Variants in PIGQ observed in about 807,000 individuals in gnomAD.
PIGQ encodes phosphatidylinositol N-acetylglucosaminyltransferase subunit Q.
A neutral mutation model predicts 60.3 loss-of-function variants in PIGQ; 54 were observed. That is an observed-to-expected ratio of 0.90 (90% CI 0.72 to 1.12). The LOEUF (loss-of-function observed/expected upper bound fraction) is 1.12, where lower values mean the gene tolerates loss of function less well. PIGQ is among the 50% of genes most tolerant of loss of function. PIGQ has a pLI of 0.00. For synonymous variants in PIGQ, 416 were observed against 363.7 expected, an observed-to-expected ratio of 1.14 and a Z score of -1.64; for missense variants, 799 against 793.5, an observed-to-expected ratio of 1.01 and a Z score of -0.08.
chr16:579,488 C>T (rs1405579564), intron 7 of PIGQ: 3 of 114,538 alleles, frequency 2.6e-5, no homozygotes, highest in South Asian at 1.7e-4. Flanking sequence ...AGAGGTGCCC[C>T]GGGCCCGGAG....
intron 4 of PIGQ, chr16:576,828 C>T (rs1376393627): frequency 1.4e-5 from 4 of 289,982 alleles, no homozygotes; most frequent in Non-Finnish European, 2.5e-5. Context: ...TGCCTCTGGG[C>T]CTTCAGCTTC....
intron 7 of PIGQ, chr16:579,437 CCCCGGG>C (rs2035777324): frequency 8.0e-6 from 3 of 375,160 alleles, no homozygotes; most frequent in East Asian, 1.5e-4. Flanking sequence ...CCTAGAGGTG[CCCCGGG>C]CCCAGAGACT....
intron 4 of PIGQ, chr16:577,335 T>C (rs1346964957): frequency 1.3e-5 from 2 of 152,316 alleles, no homozygotes; most frequent in Admixed American, 6.5e-5. Context: ...CCCAGCACTT[T>C]GGGAGGCCAA....
At chr16:573,518 C>T (rs1044491303) in intron 1 of PIGQ, among the ~76,000 whole-genome samples, 7 of 152,146 alleles carry the variant, frequency 4.6e-5, no homozygotes, top group East Asian at 1.9e-4. Context: ...GCCCGCCGTG[C>T]GCACGAGGTA....
intron 10 of PIGQ, 117 bp from the exon 11 acceptor site, chr16:582,766 C>T (rs563344908): frequency 1.9e-4 from 222 of 1,138,692 alleles, no homozygotes; most frequent in South Asian, 1.3e-3. Flanking sequence ...CTCCCACAGG[C>T]AAGGGAATGT....
chr16:580,396 T>C lies in PIGQ; in HGVS notation c.1416+133T>C. The C allele has an allele frequency of 8.9e-6, 6 of 675,578 alleles. No homozygotes were observed. In the South Asian group the frequency reaches 9.0e-5, roughly 10 times the overall value. The allele number at this position is 675,578 out of a possible 1,614,324, so 41.8% of individuals were successfully genotyped here. A position where few individuals can be genotyped will look rare whatever the true frequency, so the allele number is the denominator to read the frequency against. On this transcript the variant is annotated intron_variant, in intron 8 of 10. Transcript: ENST00000321878. ...CCACGTGGGTGGCCTTTCAGGACCC[T>C]CTGGGCAGTGAGTGCTGCGCTCTGG...
chr16:580,475 G>T (rs2035793554), intron 8 of PIGQ: 9 of 551,592 alleles, frequency 1.6e-5, no homozygotes. Context: ...CCTGGAGCAC[G>T]CAGCTGGGTG....
At chr16:571,538 CTGTG>C (rs570933889) in intron 1 of PIGQ, among the ~76,000 whole-genome samples, 865 of 34,444 alleles carry the variant, frequency 0.025, 33 homozygotes, top group African/African-American at 0.088. Flanking sequence ...AGCCTGGCGC[CTGTG>C]TGTGTGTGTG....
rs763048399 is a variant in PIGQ at position 583,522 on chromosome 16, C to A, written c.*487C>A. ...GCTCCCTCAGCCGAACAGCACCCTG[C>A]ATCTGGGGGATTGAAGCAGTCGCTG... On this transcript the variant is annotated 3_prime_UTR_variant, in exon 11 of 11. Transcript: ENST00000321878. The A allele has an allele frequency of 3.2e-5, 52 of 1,612,506 alleles. No individual in the cohort carries two copies. In the Middle Eastern group the frequency reaches 4.9e-4, roughly 15 times the overall value.
chr16:579,945 GC>G (rs1309446318), intron 7 of PIGQ: 1 of 404,868 alleles, frequency 2.5e-6, no homozygotes, highest in Non-Finnish European at 4.4e-6. Flanking sequence ...TGACTGTGTG[GC>G]CACGCACCGT....
rs1491486850 is a variant in PIGQ at position 571,488 on chromosome 16, C to CTCTG, written c.-10+1393_-10+1394insCTGT. On this transcript the variant is annotated intron_variant, in intron 1 of 10. Transcript: ENST00000321878. ...GCTAGCCTGTGTGTGTCTGGTTAGC[C>CTCTG]TGTGTGTGTGTGTGTGTGTGTGTGT... Among the ~76,000 whole-genome samples, 38 of 61,828 alleles carry CTCTG rather than the reference C, an allele frequency of 6.1e-4. 1 individual carries two copies. The highest frequency in any genetic ancestry group is 2.5e-3 in the African/African-American group (33 of 13,140). The allele number at this position is 61,828 out of a possible 152,430, so 40.6% of individuals were successfully genotyped here.
In PIGQ at chr16:583,317, C is replaced by G. The variant is rs2035843663; in HGVS notation, c.*282C>G. ...TCACCATGGTGGCGAGCACAGCAACCCCAGGTGTCCAGAGCACTGCCCCAT... is the reference window on the plus strand; with the variant it reads ...TCACCATGGTGGCGAGCACAGCAACGCCAGGTGTCCAGAGCACTGCCCCAT... On this transcript the variant is annotated 3_prime_UTR_variant, in exon 11 of 11. Coordinates refer to ENST00000321878, the MANE Select transcript of PIGQ (RefSeq NM_004204.5). 6 of 1,612,578 alleles carry G rather than the reference C, an allele frequency of 3.7e-6. No homozygotes were observed. Among genetic ancestry groups the G allele is most frequent in the Non-Finnish European group, 5.1e-6 (6 of 1,179,756 alleles).
chr16:574,534 G>C lies in PIGQ; in HGVS notation c.460G>C (p.Ala154Pro). Reference protein sequence around the residue: ...PTVLPDRQAGATTASTGGLAA... With the variant: ...PTVLPDRQAGPTTASTGGLAA... ...CGTCCTGCCCGACCGCCAGGCTGGA[G>C]CCACCACTGCCAGCACGGGGGGCCT... Residue 154 changes from alanine (A) to proline (P), a missense_variant, in exon 2 of 11, where the codon GCC becomes CCC. Ala to Pro is a conservative substitution (Grantham distance 27). Transcript: ENST00000321878. 1 of 1,605,978 alleles carries C rather than the reference G, an allele frequency of 6.2e-7. No homozygotes were observed. The highest frequency in any genetic ancestry group is 1.1e-5 in the South Asian group (1 of 89,982).
chr16:580,609 G>T, intron 8 of PIGQ: 2 of 561,884 alleles, frequency 3.6e-6, no homozygotes, highest in Non-Finnish European at 6.4e-6. Flanking sequence ...CCCAGGCCTC[G>T]ATCCCCTCTG....
rs1567178902 is a variant in PIGQ at position 583,744 on chromosome 16, C to CTAT, written c.*709_*710insTAT. 7.7e-7 allele frequency: 1 copy of CTAT among 1,292,836 alleles called. No homozygotes were observed. The highest frequency in any genetic ancestry group is 1.7e-5 in the Admixed American group (1 of 58,278). The allele number at this position is 1,292,836 out of a possible 1,614,324, so 80.1% of individuals were successfully genotyped here. ...AGCCGTACCTATTCGTCCACGGTGCCCCGTAGCAGCAGGTCCTGCGGCCAA... is the reference window on the plus strand; with the variant it reads ...AGCCGTACCTATTCGTCCACGGTGCCTATCCGTAGCAGCAGGTCCTGCGGCCAA... On this transcript the variant is annotated 3_prime_UTR_variant, in exon 11 of 11. Coordinates refer to ENST00000321878, the MANE Select transcript of PIGQ (RefSeq NM_004204.5).
intron 1 of PIGQ, chr16:572,417 G>T: frequency 2.3e-6 from 1 of 429,088 alleles, no homozygotes; most frequent in Non-Finnish European, 4.7e-6. Context: ...CGGGCTGCCT[G>T]CAGGGGAGGA....
chr16:572,664 C>T (rs1478529446), intron 1 of PIGQ: 1 of 455,854 alleles, frequency 2.2e-6, no homozygotes, highest in African/African-American at 2.0e-5. Context: ...CCACTCTGTT[C>T]CCTCGTCCCT....
intron 2 of PIGQ, among the ~76,000 whole-genome samples, chr16:575,068 G>A (rs2035696705): frequency 6.6e-6 from 1 of 152,234 alleles, no homozygotes; most frequent in South Asian, 2.1e-4. Context: ...CAGAAGGTGA[G>A]CACAGACATG....
chr16:581,617 C>G (rs1445854842), intron 9 of PIGQ: 1 of 162,522 alleles, frequency 6.2e-6, no homozygotes, highest in African/African-American at 2.4e-5. Flanking sequence ...TGTGTGCCAC[C>G]ACGCCCAGCT....
Sources: allele counts gnomAD v4.1 joint callset (sites outside exome capture counted in the v4.1 genomes callset), GRCh38; gene constraint gnomAD v4.1.1; transcripts MANE v1.5; gene names NCBI Gene and HGNC (gene_info 2026-07-23, HGNC 2026-07-21).